ABHD3: variants seen among roughly 807,000 people sequenced by gnomAD.
ABHD3 encodes the protein phospholipase ABHD3.
A neutral mutation model predicts 48.8 loss-of-function variants in ABHD3; 46 were observed. That is an observed-to-expected ratio of 0.94 (90% CI 0.74 to 1.20). The LOEUF is 1.20. ABHD3 is among the 50% of genes most tolerant of loss of function. The probability of loss-of-function intolerance (pLI) is 0.00; values close to 1 mark genes in which losing one functional copy is unlikely to be tolerated. For missense variants in ABHD3, 490 were observed against 497.8 expected (o/e 0.98, Z 0.15); for synonymous variants, 192 against 183.7 (o/e 1.04, Z -0.36).
intron 3 of ABHD3, among the ~76,000 whole-genome samples, chr18:21,693,358 T>C (rs1283524525): frequency 1.3e-5 from 2 of 152,184 alleles, no homozygotes; most frequent in Admixed American, 6.5e-5. Context: ...AATTTGTCTG[T>C]GGGTAGGCAG....
rs570771978 is a variant in ABHD3 at position 21,673,253 on chromosome 18, C to T, written c.556-9023G>A. ...ATAAATTACAGATACCTGGACTCCA[C>T]CCTTGACCAAATGAATCAGAATCTC... On this transcript the variant is annotated intron_variant, in intron 4 of 8. Transcript: ENST00000289119. Among the ~76,000 whole-genome samples, 82 of 152,300 alleles carry T rather than the reference C, an allele frequency of 5.4e-4. No individual in the cohort carries two copies. In the South Asian group the frequency reaches 0.016, roughly 29 times the overall value.
At chr18:21,655,104 C>T (rs1400748260) in intron 8 of ABHD3, 1 of 151,880 alleles carries the variant, frequency 6.6e-6, no homozygotes, top group Non-Finnish European at 1.5e-5. Flanking sequence ...ACATAAATCA[C>T]ACAATAAAAT....
Position 21,696,698 on chromosome 18 carries a change from T to C in ABHD3, c.509+5618A>G, listed in dbSNP as rs546251193. ...GGCTTCTCTCTAAACATATTTCTGG[T>C]CTTTTATTATTATTATTCATTGTTA... On this transcript the variant is annotated intron_variant, in intron 3 of 8. Transcript: ENST00000289119. Among the ~76,000 whole-genome samples the C allele has an allele frequency of 8.5e-5, 13 of 152,162 alleles. No homozygotes were observed. In the South Asian group the frequency reaches 2.3e-3, roughly 27 times the overall value.
At chr18:21,676,643 G>A (rs957333395) in intron 4 of ABHD3, among the ~76,000 whole-genome samples, 2 of 152,276 alleles carry the variant, frequency 1.3e-5, no homozygotes, top group South Asian at 2.1e-4. Flanking sequence ...CACCCGCCTT[G>A]GCCTCCCAAA....
intron 4 of ABHD3, among the ~76,000 whole-genome samples, chr18:21,674,470 A>G (rs1480903827): frequency 2.9e-4 from 44 of 151,368 alleles, no homozygotes; most frequent in Non-Finnish European, 1.5e-5. Context: ...CCTGTCTCCA[A>G]CTCCTGGGCT....
At chr18:21,703,465 C>G (rs2040561067) in intron 2 of ABHD3, 119 bp downstream of exon 2, 2 of 1,215,970 alleles carry the variant, frequency 1.6e-6, no homozygotes, top group Non-Finnish European at 2.2e-6. Flanking sequence ...TTCATTCCCT[C>G]TTTCTGTTCT....
At chr18:21,661,422 G>A (rs2039492200) in intron 5 of ABHD3, among the ~76,000 whole-genome samples, 1 of 152,006 alleles carries the variant, frequency 6.6e-6, no homozygotes, top group South Asian at 2.1e-4. Flanking sequence ...CAGATCATGA[G>A]GTCAGGAGTT....
At chr18:21,652,673 G>A (rs537871096) in intron 8 of ABHD3, among the ~76,000 whole-genome samples, 1 of 151,890 alleles carries the variant, frequency 6.6e-6, no homozygotes, top group South Asian at 2.1e-4. Context: ...TACTTGGGAG[G>A]CTGAGGCAGG....
chr18:21,665,367 G>A (rs1295294034), intron 4 of ABHD3, among the ~76,000 whole-genome samples: 1 of 152,030 alleles, frequency 6.6e-6, no homozygotes, highest in Non-Finnish European at 1.5e-5. Context: ...AGCCTCCTGA[G>A]TAGCTGGGAC....
intron 3 of ABHD3, among the ~76,000 whole-genome samples, chr18:21,690,999 A>C (rs1244902803): frequency 1.3e-5 from 2 of 150,288 alleles, no homozygotes; most frequent in Non-Finnish European, 3.0e-5. Flanking sequence ...TCTGTCTCAA[A>C]AAAAAAAAAA....
intron 3 of ABHD3, among the ~76,000 whole-genome samples, chr18:21,700,680 G>A (rs943315375): frequency 6.6e-6 from 1 of 152,006 alleles, no homozygotes; most frequent in Non-Finnish European, 1.5e-5. Flanking sequence ...TATTACAGGC[G>A]TCAGCCACTG....
At position 21,663,832 on chromosome 18, in the gene ABHD3, G is replaced by A. The variant is rs571419275; in HGVS notation, c.668+286C>T. ...GCGTCAGGAATCAGAAGGTCAACAT[G>A]GCAGCCGGTGAGTGATGCAATCGAC... On this transcript the variant is annotated intron_variant, in intron 5 of 8. Coordinates refer to ENST00000289119, the MANE Select transcript of ABHD3 (RefSeq NM_138340.5). The A allele has an allele frequency of 2.2e-5, 34 of 1,523,740 alleles. No individual in the cohort carries two copies. The South Asian group carries it at 3.2e-4, about 14-fold the overall frequency. The allele number at this position is 1,523,740 out of a possible 1,614,324, so 94.4% of individuals were successfully genotyped here. A position where few individuals can be genotyped will look rare whatever the true frequency, so the allele number is the denominator to read the frequency against.
chr18:21,654,117 G>T (rs1389956468), intron 8 of ABHD3, among the ~76,000 whole-genome samples: 1 of 151,804 alleles, frequency 6.6e-6, no homozygotes, highest in Non-Finnish European at 1.5e-5. Context: ...CTCCCAAACT[G>T]CTGGGATTAC....
At chr18:21,667,140 C>T (rs1486287826) in intron 4 of ABHD3, among the ~76,000 whole-genome samples, 1 of 148,990 alleles carries the variant, frequency 6.7e-6, no homozygotes, top group Non-Finnish European at 1.5e-5. Context: ...GTGGTGCGAT[C>T]TCGGCTGACT....
intron 8 of ABHD3, among the ~76,000 whole-genome samples, chr18:21,653,977 C>T (rs1051354745): frequency 1.3e-5 from 2 of 151,444 alleles, no homozygotes; most frequent in Non-Finnish European, 2.9e-5. Context: ...TCCTGAGTAG[C>T]TGGGATCACA....
chr18:21,701,763 T>C (rs1011824427), intron 3 of ABHD3: 1 of 152,208 alleles, frequency 6.6e-6, no homozygotes, highest in Admixed American at 6.5e-5. Flanking sequence ...TTAATAATGG[T>C]TACTCAGAAA....
intron 8 of ABHD3, among the ~76,000 whole-genome samples, chr18:21,653,094 T>G (rs2039264825): frequency 2.7e-5 from 3 of 112,020 alleles, no homozygotes; most frequent in Admixed American, 1.0e-4. Flanking sequence ...CTGGGTGTGG[T>G]GGCTCACGCC....
chr18:21,651,673 C>A lies in ABHD3; in HGVS notation c.1148G>T (p.Trp383Leu). ...GGHIGFLEGI[W>L]PRQSTYMDRV... Reference sequence around the variant, plus strand: ...ATCCATGTAAGTGGACTGTCTTGGCCAGATTCCCTCCAGAAAACCAATATG... The same window carrying A: ...ATCCATGTAAGTGGACTGTCTTGGCAAGATTCCCTCCAGAAAACCAATATG... Residue 383 changes from tryptophan to leucine, a missense_variant, in exon 9 of 9, where the codon TGG becomes TTG. By Grantham distance (61) the Trp-to-Leu change is moderately conservative (BLOSUM62 -2). Coordinates refer to ENST00000289119, the MANE Select transcript of ABHD3 (RefSeq NM_138340.5). The A allele has an allele frequency of 6.2e-7, 1 of 1,613,152 alleles. No individual in the cohort carries two copies. Among genetic ancestry groups the A allele is most frequent in the Non-Finnish European group, 8.5e-7 (1 of 1,179,720 alleles).
intron 5 of ABHD3, among the ~76,000 whole-genome samples, chr18:21,660,301 T>A (rs1313133155): frequency 1.3e-5 from 2 of 151,930 alleles, no homozygotes; most frequent in Admixed American, 1.3e-4. Flanking sequence ...CTGCCAAGGA[T>A]CCTTGCACCC....
Sources: gnomAD v4.1 joint callset for allele counts (sites outside exome capture counted in the v4.1 genomes callset) on GRCh38, gnomAD v4.1.1 for gene constraint, MANE v1.5 for transcripts, NCBI Gene and HGNC (gene_info 2026-07-23, HGNC 2026-07-21) for gene names.